The following SUPV3L1 variants were observed in gnomAD, a reference collection of about 807,000 sequenced individuals.
SUPV3L1 encodes ATP-dependent RNA helicase SUPV3L1, mitochondrial.
Under a neutral mutation model 70.0 loss-of-function variants are expected in SUPV3L1, and 35 were observed. That is an observed-to-expected ratio of 0.50 (90% CI 0.38 to 0.66). The LOEUF is 0.66. SUPV3L1 is among the 30% of genes least tolerant of loss of function. The pLI is 0.00. For synonymous variants in SUPV3L1, 364 were observed against 341.9 expected (o/e 1.06, Z -0.71); for missense variants, 777 against 961.5 (o/e 0.81, Z 2.54).
At position 69,198,456 on chromosome 10, in the gene SUPV3L1, A is replaced by G. The variant is rs1415229314; in HGVS notation, c.1108A>G (p.Ile370Val). 5 of 1,613,906 alleles carry G rather than the reference A, an allele frequency of 3.1e-6. No individual in the cohort carries two copies. In the South Asian group the frequency reaches 4.4e-5, roughly 14 times the overall value. Residue 370 changes from isoleucine (I) to valine (V), a missense_variant, in exon 9 of 15, where the codon ATT becomes GTT. Transcript: ENST00000359655. ...AGATAACCTTCGGCCTGGGGACTGC[A>G]TTGTCTGTTTTAGCAAGAATGATAT... ...SLDNLRPGDC[I>V]VCFSKNDIYS...
intron 3 of SUPV3L1, 106 bp downstream of exon 3, chr10:69,186,656 T>A: frequency 1.1e-6 from 1 of 880,760 alleles, no homozygotes; most frequent in East Asian, 2.5e-5. Flanking sequence ...AGAGTGGGTC[T>A]GGTAACATCC....
At chr10:69,187,219 G>A (rs1242901310) in intron 3 of SUPV3L1, among the ~76,000 whole-genome samples, 1 of 151,882 alleles carries the variant, frequency 6.6e-6, no homozygotes, top group Non-Finnish European at 1.5e-5. Context: ...GTAGGACGTG[G>A]TGGTTGCTAG....
chr10:69,201,502 A>G (rs1443645005), intron 11 of SUPV3L1, among the ~76,000 whole-genome samples: 1 of 150,460 alleles, frequency 6.6e-6, no homozygotes, highest in Admixed American at 6.6e-5. Context: ...GAGACATGGA[A>G]AATGGTTTTA....
rs574120853 is a variant in SUPV3L1, at chr10:69,182,940, C to T, written c.271+2378C>T. 7.2e-5 allele frequency among the ~76,000 whole-genome samples: 11 copies of T among 152,270 alleles called. No individual in the cohort carries two copies. In the South Asian group the frequency reaches 2.1e-3, roughly 29 times the overall value. On this transcript the variant is annotated intron_variant, in intron 1 of 14. Transcript: ENST00000359655. ...TGCTGTCTATGGGGTGTCTCATTCT[C>T]TCTCTCCCCTCACTAATTCAGTATT...
intron 7 of SUPV3L1, among the ~76,000 whole-genome samples, chr10:69,196,355 G>C (rs1487432033): frequency 6.6e-6 from 1 of 152,074 alleles, no homozygotes; most frequent in African/African-American, 2.4e-5. Flanking sequence ...AGCCAGGCGT[G>C]GTGGCGCATG....
At chr10:69,193,678 T>A (rs1215758915) in intron 6 of SUPV3L1, among the ~76,000 whole-genome samples, 1 of 152,236 alleles carries the variant, frequency 6.6e-6, no homozygotes, top group Non-Finnish European at 1.5e-5. Context: ...CCCAAAGTGC[T>A]GGGATTACAG....
At chr10:69,189,646 C>CTTTTTTTTTTTT (rs34718589) in intron 5 of SUPV3L1, among the ~76,000 whole-genome samples, 1 of 125,056 alleles carries the variant, frequency 8.0e-6, no homozygotes. Context: ...GCTATCAATT[C>CTTTTTTTTTTTT]TTTTTTTTTT....
chr10:69,206,319 C>T (rs7919654), intron 13 of SUPV3L1, among the ~76,000 whole-genome samples: 6,288 of 152,242 alleles, frequency 0.041, 458 homozygotes, highest in African/African-American at 0.14. Context: ...TAAAACTGCT[C>T]TTCCTCTCTG....
chr10:69,185,326 G>A (rs894680689), intron 1 of SUPV3L1, among the ~76,000 whole-genome samples: 5 of 152,094 alleles, frequency 3.3e-5, no homozygotes, highest in Non-Finnish European at 5.9e-5. Flanking sequence ...TGTCTTTCTG[G>A]ATGTGTTTTA....
intron 13 of SUPV3L1, among the ~76,000 whole-genome samples, chr10:69,204,308 C>T (rs2132305456): frequency 6.6e-6 from 1 of 152,312 alleles, no homozygotes; most frequent in East Asian, 1.9e-4. Flanking sequence ...ACCCAAAGGC[C>T]TCCTCTTCTC....
chr10:69,193,050 G>A (rs1842437830), intron 6 of SUPV3L1: 1 of 152,100 alleles, frequency 6.6e-6, no homozygotes, highest in Admixed American at 6.6e-5. Flanking sequence ...TCCTTATTAT[G>A]TAAGCAATCA....
In SUPV3L1 at chr10:69,209,004, GAAGA is replaced by G. The variant is rs1842914997; in HGVS notation, c.2336_2339del (p.Lys779ArgfsTer?). Reference sequence around the variant, plus strand: ...TCTGGGACTCATCCAAAAGGGACGAGAAGAAAGAAGAAGGAACCTGATTCGGACT... The same window carrying G: ...TCTGGGACTCATCCAAAAGGGACGAGAAGAAGAAGGAACCTGATTCGGACT... On this transcript the variant is annotated frameshift_variant, in exon 15 of 15. Coordinates refer to ENST00000359655, the MANE Select transcript of SUPV3L1 (RefSeq NM_003171.5). LOFTEE classifies it high-confidence loss of function. The G allele has an allele frequency of 1.3e-6, 2 of 1,564,382 alleles. No individual in the cohort carries two copies. The highest frequency in any genetic ancestry group is 2.8e-5 in the African/African-American group (2 of 72,206).
chr10:69,202,890 A>G lies in SUPV3L1; in HGVS notation c.1623A>G (p.Gln541=). Residue 541 remains glutamine, a synonymous_variant, in exon 13 of 15, where the codon CAA becomes CAG. Transcript: ENST00000359655. ...NLIDIFVDFS[Q]VDGQYFVCNM... is the part of the protein sequence containing the mutation. ...AGGATATTTTTGTAGACTTTTCACA[A>G]GTTGATGGGCAGTATTTTGTCTGCA... is the stretch of plus-strand genomic sequence containing the variant. 6.2e-7 allele frequency: 1 copy of G among 1,612,338 alleles called. No homozygotes were observed. Among genetic ancestry groups the G allele is most frequent in the Non-Finnish European group, 8.5e-7 (1 of 1,179,218 alleles).
At chr10:69,198,594 A>G (rs920575172) in intron 9 of SUPV3L1, 42 bp downstream of exon 9, 6 of 1,580,402 alleles carry the variant, frequency 3.8e-6, no homozygotes, top group South Asian at 1.2e-5. Context: ...GAAATCTCCT[A>G]TCTTTGCAAT....
Position 69,198,441 on chromosome 10 carries a change from C to T in SUPV3L1, c.1093C>T (p.Arg365Trp), listed in dbSNP as rs527626577. 14 of 1,613,968 alleles carry T rather than the reference C, an allele frequency of 8.7e-6. No homozygotes were observed. The highest frequency in any genetic ancestry group is 4.5e-5 in the East Asian group (2 of 44,850). Residue 365 changes from arginine (R) to tryptophan (W), a missense_variant, in exon 9 of 15, where the codon CGG (arginine) becomes TGG (tryptophan). Around this residue, in one of 2 missense-constraint regions of SUPV3L1, gnomAD observed 619 missense variants for 823.3 expected, o/e 0.75. Coordinates refer to ENST00000359655, the MANE Select transcript of SUPV3L1 (RefSeq NM_003171.5). ...TGCACTAGAATCTTTAGATAACCTT[C>T]GGCCTGGGGACTGCATTGTCTGTTT... ...DHALESLDNL[R>W]PGDCIVCFSK...
rs1435090275 is a variant in SUPV3L1 at position 69,200,375 on chromosome 10, T to C, written c.1394T>C (p.Leu465Pro). 1 of 1,614,166 alleles carries C rather than the reference T, an allele frequency of 6.2e-7. No individual in the cohort carries two copies. Among genetic ancestry groups the C allele is most frequent in the South Asian group, 1.1e-5 (1 of 91,086 alleles). ...GAACCAATCACAACCTCTCAAGCCC[T>C]GCAGATTGCTGGCAGAGCTGGCAGA... ...ELEPITTSQALQIAGRAGRFS... is the reference protein window; with the variant it reads ...ELEPITTSQAPQIAGRAGRFS... Residue 465 changes from leucine to proline, a missense_variant, in exon 11 of 15, where the codon CTG becomes CCG. Leu to Pro is a moderately conservative substitution (Grantham distance 98). Transcript: ENST00000359655.
intron 12 of SUPV3L1, 54 bp downstream of exon 12, chr10:69,202,573 A>T (rs1379536496): frequency 6.6e-7 from 1 of 1,503,778 alleles, no homozygotes; most frequent in Admixed American, 1.7e-5. Context: ...ATGTCAGGTG[A>T]TTACTGGTTA....
chr10:69,189,472 T>C (rs1022288722), intron 5 of SUPV3L1, 37 bp downstream of exon 5: 15 of 1,541,624 alleles, frequency 9.7e-6, no homozygotes, highest in Non-Finnish European at 1.3e-5. Context: ...ATTTTTTTCT[T>C]AATTTTCTTT....
intron 7 of SUPV3L1, among the ~76,000 whole-genome samples, chr10:69,196,591 C>T (rs1469267659): frequency 3.3e-5 from 5 of 152,134 alleles, no homozygotes; most frequent in East Asian, 3.9e-4. Context: ...TGGATCTGCT[C>T]GGGGATAAGG....
Sources: allele counts gnomAD v4.1 joint callset (sites outside exome capture counted in the v4.1 genomes callset), GRCh38; gene constraint gnomAD v4.1.1; regional missense constraint gnomAD v4.1.1; transcripts MANE v1.5; gene names NCBI Gene and HGNC (gene_info 2026-07-23, HGNC 2026-07-21).